The following PIK3CD variants were observed in gnomAD, a reference collection of about 807,000 sequenced individuals.
The protein encoded by PIK3CD is phosphatidylinositol-4,5-bisphosphate 3-kinase catalytic subunit delta, also known as phosphatidylinositol 4,5-bisphosphate 3-kinase catalytic subunit delta isoform.
Under a neutral mutation model 122.9 loss-of-function variants are expected in PIK3CD, and 20 were observed. That is an observed-to-expected ratio of 0.16 (90% confidence interval 0.11 to 0.24). The LOEUF (loss-of-function observed/expected upper bound fraction) is 0.24. Ranked by LOEUF, PIK3CD falls within the 10% of genes least tolerant of loss-of-function variation. The pLI is 1.00. For missense variants in PIK3CD, 787 were observed against 1,406.3 expected (o/e 0.56, Z 7.04); for synonymous variants, 596 against 593.4 (o/e 1.00, Z -0.06).
intron 2 of PIK3CD, among the ~76,000 whole-genome samples, chr1:9,701,730 A>G (rs971385129): frequency 2.0e-5 from 3 of 152,068 alleles, no homozygotes; most frequent in Non-Finnish European, 4.4e-5. Context: ...ACAAGATGAA[A>G]CTACCAAGGA....
At chr1:9,645,394 C>G in the PIK3CD span, among the ~76,000 whole-genome samples, 1 of 151,778 alleles carries the variant, frequency 6.6e-6, no homozygotes, top group Non-Finnish European at 1.5e-5. Context: ...CCTAGGGTCA[C>G]GGTTTCAAAA....
chr1:9,707,384 A>C (rs1461798454), intron 2 of PIK3CD, among the ~76,000 whole-genome samples: 2 of 148,256 alleles, frequency 1.3e-5, no homozygotes, highest in African/African-American at 5.0e-5. Context: ...TTTTATTTTA[A>C]GTTCAGGGGT....
chr1:9,715,142 A>G lies in PIK3CD; in HGVS notation c.142-399A>G, dbSNP rs909770295. On this transcript the variant is annotated intron_variant, in intron 3 of 23. Coordinates refer to ENST00000377346, the MANE Select transcript of PIK3CD (RefSeq NM_005026.5). The surrounding 1 kb of genome is among the most constrained non-coding windows in gnomAD (Gnocchi z 4.1). ...CAGTGAGCCAGGATTGCGCCACTGC[A>G]CTCCAACCTGGGCGACAGAGTGGGA... Among the ~76,000 whole-genome samples the G allele has an allele frequency of 6.6e-6, 1 of 152,146 alleles. No individual in the cohort carries two copies. The highest frequency in any genetic ancestry group is 1.5e-5 in the Non-Finnish European group (1 of 68,018).
At chr1:9,642,043 AC>A in the PIK3CD span, among the ~76,000 whole-genome samples, 1 of 151,816 alleles carries the variant, frequency 6.6e-6, no homozygotes, top group Non-Finnish European at 1.5e-5. Flanking sequence ...GGGAAGCAAC[AC>A]CCGCCCTTAC....
intron 1 of PIK3CD, among the ~76,000 whole-genome samples, chr1:9,680,369 T>C (rs991779538): frequency 6.6e-6 from 1 of 152,020 alleles, no homozygotes; most frequent in African/African-American, 2.4e-5. Context: ...CCAAGCACTT[T>C]GGGAGGCTGA....
rs1323784549 is a variant in PIK3CD, at chr1:9,721,706, G to A, written c.1956-55G>A. ...CTGGCCTCGCTAGGTCCTGCTGGGC[G>A]GGAGGGGCTGCGTGGTGCTGCCTGG... On this transcript the variant is annotated intron_variant, in intron 15 of 23. Transcript: ENST00000377346. 4.4e-6 allele frequency: 7 copies of A among 1,604,146 alleles called. No homozygotes were observed. The East Asian group carries it at 6.7e-5, about 15-fold the overall frequency.
chr1:9,714,841 CT>C (rs773141893), intron 3 of PIK3CD, among the ~76,000 whole-genome samples: 6 of 152,100 alleles, frequency 3.9e-5, no homozygotes, highest in Non-Finnish European at 7.4e-5. Context: ...GGCCCCCTTG[CT>C]GTGTTAAATA....
intron 1 of PIK3CD, among the ~76,000 whole-genome samples, chr1:9,682,934 G>A (rs1267381884): frequency 1.3e-5 from 2 of 152,062 alleles, no homozygotes; most frequent in African/African-American, 4.8e-5. Context: ...GAAAGGAGAT[G>A]TCTCTGCTGA....
chr1:9,713,853 CTT>C (rs59908140), intron 3 of PIK3CD, among the ~76,000 whole-genome samples: 77 of 131,718 alleles, frequency 5.8e-4, no homozygotes, highest in East Asian at 3.7e-3. Context: ...TATTTTTATA[CTT>C]TTTTTTTTTT....
chr1:9,720,737 C>T lies in PIK3CD; in HGVS notation c.1522-5C>T. 1 of 1,611,504 alleles carries T rather than the reference C, an allele frequency of 6.2e-7. No individual in the cohort carries two copies. Among genetic ancestry groups the T allele is most frequent in the Non-Finnish European group, 8.5e-7 (1 of 1,179,358 alleles). Reference sequence around the variant, plus strand: ...AGAGCCCTCACTCCTGCCCACACCCCTCAGCAGCTGCAGCTGCGGGAAATC... The same window carrying T: ...AGAGCCCTCACTCCTGCCCACACCCTTCAGCAGCTGCAGCTGCGGGAAATC... On this transcript the variant is annotated splice_region_variant and splice_polypyrimidine_tract_variant and intron_variant, in intron 12 of 23. Coordinates refer to ENST00000377346, the MANE Select transcript of PIK3CD (RefSeq NM_005026.5). The surrounding 1 kb of genome is among the most constrained non-coding windows in gnomAD (Gnocchi z 9.0).
intron 2 of PIK3CD, among the ~76,000 whole-genome samples, chr1:9,702,500 CTTTTTTTTTTTTTTTTTTTTTTTT>C (rs60167511): frequency 2.7e-4 from 7 of 25,804 alleles, no homozygotes; most frequent in Admixed American, 7.9e-4. Flanking sequence ...AAGAACTTTC[CTTTTTTTTTTTTTTTTTTTTTTTT>C]TTTTTTTTTT....
At chr1:9,716,831 G>T (rs912872998) in intron 6 of PIK3CD, 128 bp from the exon 7 acceptor site, 50 of 1,379,608 alleles carry the variant, frequency 3.6e-5, no homozygotes, top group Admixed American at 1.9e-4. Flanking sequence ...GGAAAAACCA[G>T]CAGGAAGCCC....
chr1:9,723,369 A>G lies in PIK3CD; in HGVS notation c.2594+77A>G. The G allele has an allele frequency of 6.8e-7, 1 of 1,479,324 alleles. No homozygotes were observed. Among genetic ancestry groups the G allele is most frequent in the Non-Finnish European group, 9.4e-7 (1 of 1,058,380 alleles). 91.6% of individuals were successfully genotyped at this position (1,479,324 alleles called of 1,614,324 possible). A position where few individuals can be genotyped will look rare whatever the true frequency, so the allele number is the denominator to read the frequency against. Reference sequence around the variant, plus strand: ...GTGGGAGGGCCTCGCCTGTCAGAACAAAGGAGCGGGGAGGGGCCTCAGACC... The same window carrying G: ...GTGGGAGGGCCTCGCCTGTCAGAACGAAGGAGCGGGGAGGGGCCTCAGACC... On this transcript the variant is annotated intron_variant, in intron 20 of 23. Transcript: ENST00000377346. The surrounding 1 kb of genome is among the most constrained non-coding windows in gnomAD (Gnocchi z 4.9).
intron 1 of PIK3CD, among the ~76,000 whole-genome samples, chr1:9,678,044 T>A (rs1645604079): frequency 6.6e-6 from 1 of 151,326 alleles, no homozygotes; most frequent in Non-Finnish European, 1.5e-5. Flanking sequence ...CTTGGGAGGC[T>A]GAGGCAGGAG....
intron 2 of PIK3CD, among the ~76,000 whole-genome samples, chr1:9,699,156 G>C (rs539977435): frequency 2.6e-5 from 4 of 152,250 alleles, no homozygotes; most frequent in African/African-American, 7.2e-5. Flanking sequence ...GCTACAGTGA[G>C]CTATGATGAT....
intron 1 of PIK3CD, among the ~76,000 whole-genome samples, chr1:9,669,980 C>T (rs910806731): frequency 3.3e-5 from 5 of 151,900 alleles, no homozygotes; most frequent in Non-Finnish European, 5.9e-5. Flanking sequence ...TCGAGACCAG[C>T]CTGGCCAACA....
the PIK3CD span, among the ~76,000 whole-genome samples, chr1:9,642,046 C>T: frequency 3.3e-5 from 5 of 152,168 alleles, no homozygotes; most frequent in African/African-American, 9.6e-5. Flanking sequence ...AAGCAACACC[C>T]GCCCTTACTA....
In PIK3CD at chr1:9,723,916, A is replaced by G; in HGVS notation, c.2595-53A>G. 1 of 1,567,492 alleles carries G rather than the reference A, an allele frequency of 6.4e-7. No individual in the cohort carries two copies. ...AGAGGGAGTAATAACCCACCTCTTGATAGGCGGAGCTGCAAAATGGTATGG... is the reference window on the plus strand; with the variant it reads ...AGAGGGAGTAATAACCCACCTCTTGGTAGGCGGAGCTGCAAAATGGTATGG... On this transcript the variant is annotated intron_variant, in intron 20 of 23. Transcript: ENST00000377346. This position sits in a 1 kb window ranked among gnomAD's most constrained non-coding sequence, Gnocchi z 4.9.
At chr1:9,683,077 A>C (rs1645824346) in intron 1 of PIK3CD, among the ~76,000 whole-genome samples, 1 of 138,216 alleles carries the variant, frequency 7.2e-6, no homozygotes, top group Admixed American at 7.4e-5. Context: ...TCTCGCTAAG[A>C]TGGCACCACT....
Sources: allele counts gnomAD v4.1 joint callset (sites outside exome capture counted in the v4.1 genomes callset), GRCh38; gene constraint gnomAD v4.1.1; non-coding constraint Gnocchi (gnomAD v3.1); transcripts MANE v1.5; gene names NCBI Gene and HGNC (gene_info 2026-07-23, HGNC 2026-07-21).